NHS: variants seen among roughly 807,000 people sequenced by gnomAD.
NHS encodes actin remodeling regulator NHS.
NHS carries 5 observed loss-of-function variants against 72.5 expected under a neutral mutation model. The ratio of observed to expected loss-of-function variants is 0.07; its 90% CI spans 0.04 to 0.14. The LOEUF is 0.14. Ranked by LOEUF, NHS falls within the 10% of genes least tolerant of loss-of-function variation. The pLI is 1.00. For missense variants in NHS, 1,072 were observed against 1,355.7 expected (o/e 0.79, Z 3.29); for synonymous variants, 464 against 547.7 (o/e 0.85, Z 2.13).
intron 3 of NHS, among the ~76,000 whole-genome samples, chrX:17,716,956 C>G (rs1438842812): frequency 9.4e-6 from 1 of 106,461 alleles, no homozygotes; most frequent in Non-Finnish European, 1.9e-5. Context: ...GAGCATTCCC[C>G]TTACTCTTTT....
At chrX:17,656,431 C>A (rs1313556741) in intron 1 of NHS, among the ~76,000 whole-genome samples, 2 of 112,135 alleles carry the variant, frequency 1.8e-5, no homozygotes, top group Non-Finnish European at 3.8e-5. Context: ...AAACTAATTT[C>A]TCGCACCTCT....
At chrX:17,662,706 T>C (rs1173105300) in intron 1 of NHS, among the ~76,000 whole-genome samples, 1 of 111,764 alleles carries the variant, frequency 8.9e-6, no homozygotes, top group Non-Finnish European at 1.9e-5. Flanking sequence ...TCTGCTATTA[T>C]TCTAGCAGAA....
At chrX:17,464,766 G>A (rs1303071650) in intron 1 of NHS, among the ~76,000 whole-genome samples, 2 of 112,087 alleles carry the variant, frequency 1.8e-5, no homozygotes, top group African/African-American at 6.5e-5. Context: ...TCCCACCATT[G>A]TACTCCTTTA....
At chrX:17,594,716 C>T (rs181086240) in intron 1 of NHS, among the ~76,000 whole-genome samples, 3 of 112,818 alleles carry the variant, frequency 2.7e-5, no homozygotes, top group East Asian at 5.6e-4. Flanking sequence ...TTCTTGTGCA[C>T]GCCCTTCATT....
chrX:17,725,465 T>G lies in NHS; in HGVS notation c.1359T>G (p.Asp453Glu). 8.3e-7 allele frequency: 1 copy of G among 1,211,621 alleles called. No individual in the cohort carries two copies. Among genetic ancestry groups the G allele is most frequent in the Non-Finnish European group, 1.1e-6 (1 of 895,510 alleles). The change falls in exon 7 of 9, where the codon GAT (aspartate) becomes GAG (glutamate). Residue 453 changes from aspartate to glutamate, a missense_variant. Transcript: ENST00000676302. ...GTRDSECQTE[D>E]ILIAAPSRRR... The stretch of plus-strand genomic sequence containing the variant: ...GGGACTCTGAGTGCCAAACCGAGGA[T>G]ATTCTGATTGCTGCCCCATCCAGAA...
At chrX:17,449,474 T>C (rs939281153) in intron 1 of NHS, among the ~76,000 whole-genome samples, 1 of 112,550 alleles carries the variant, frequency 8.9e-6, no homozygotes, top group African/African-American at 3.2e-5. Context: ...AGTGATTATC[T>C]TGGGAGAGGC....
chrX:17,676,831 A>C (rs1298419971), intron 1 of NHS, among the ~76,000 whole-genome samples: 1 of 112,760 alleles, frequency 8.9e-6, no homozygotes, highest in African/African-American at 3.2e-5. Context: ...CTAAGAGCAC[A>C]GTGGCCCTTC....
At chrX:17,586,625 T>C (rs781035668) in intron 1 of NHS, 3 of 112,219 alleles carry the variant, frequency 2.7e-5, no homozygotes, top group Non-Finnish European at 5.6e-5. Context: ...TCTGAGAATG[T>C]TGCTAATGTT....
intron 1 of NHS, among the ~76,000 whole-genome samples, chrX:17,576,762 C>A (rs1017922080): frequency 2.7e-5 from 3 of 111,515 alleles, no homozygotes; most frequent in African/African-American, 9.8e-5. Flanking sequence ...TTTTCCCTTT[C>A]ATGAGAAGCA....
In NHS at chrX:17,669,161, G is replaced by T. The variant is rs191243037; in HGVS notation, c.566-18581G>T. On this transcript the variant is annotated intron_variant, in intron 1 of 8. Transcript: ENST00000676302. ...ATTTACGCCACCTGACAGTACATCT[G>T]TATGCTTATTTGTCATCTATCTCTC... Among the ~76,000 whole-genome samples, 5 of 112,422 alleles carry T rather than the reference G, an allele frequency of 4.4e-5. No individual in the cohort carries two copies. The East Asian group carries it at 1.4e-3, about 31-fold the overall frequency.
intron 1 of NHS, among the ~76,000 whole-genome samples, chrX:17,440,578 CT>C (rs1224927621): frequency 8.9e-6 from 1 of 111,791 alleles, no homozygotes; most frequent in Non-Finnish European, 1.9e-5. Flanking sequence ...TGCCACCTTG[CT>C]TGCTCTTCTT....
chrX:17,377,715 A>G (rs769293075), intron 1 of NHS, among the ~76,000 whole-genome samples: 1 of 113,512 alleles, frequency 8.8e-6, no homozygotes, highest in South Asian at 3.5e-4. Flanking sequence ...GCTTTTCTGC[A>G]ATAACAATAG....
chrX:17,427,546 TG>T (rs1253650647), intron 1 of NHS, among the ~76,000 whole-genome samples: 1 of 112,830 alleles, frequency 8.9e-6, no homozygotes, highest in East Asian at 2.8e-4. Context: ...GTGTGTTCAA[TG>T]GCTGAAGCCA....
intron 1 of NHS, among the ~76,000 whole-genome samples, chrX:17,478,307 C>A (rs990366633): frequency 9.0e-6 from 1 of 111,600 alleles, no homozygotes; most frequent in African/African-American, 3.3e-5. Context: ...AAGTAGTGAC[C>A]AAGGGATTTT....
intron 3 of NHS, among the ~76,000 whole-genome samples, chrX:17,710,393 T>C (rs2066323075): frequency 8.9e-6 from 1 of 112,556 alleles, no homozygotes; most frequent in Admixed American, 9.4e-5. Context: ...TTCTGTTGCA[T>C]GCCTGAGACT....
At chrX:17,503,001 G>A (rs2065042596) in intron 1 of NHS, among the ~76,000 whole-genome samples, 1 of 111,501 alleles carries the variant, frequency 9.0e-6, no homozygotes, top group Non-Finnish European at 1.9e-5. Flanking sequence ...TGAGTCTACA[G>A]TTCCCACCTC....
rs2066498544 is a variant in NHS, at chrX:17,732,912, T to C, written c.*448T>C. The C allele has an allele frequency of 6.5e-6, 1 of 153,952 alleles. No homozygotes were observed. The highest frequency in any genetic ancestry group is 1.6e-4 in the South Asian group (1 of 6,206). The allele number at this position is 153,952 out of a possible 1,213,427, so 12.7% of individuals were successfully genotyped here. On this transcript the variant is annotated 3_prime_UTR_variant, in exon 9 of 9. Coordinates refer to ENST00000676302, the MANE Select transcript of NHS (RefSeq NM_001291867.2). ...AATTTAGAAGAAAGAACTACACATA[T>C]GTAAATACCATATTTTTGATAAAAA...
rs139213351 is a variant in NHS at position 17,471,908 on chromosome X, C to T, written c.565+95586C>T. 3.2e-4 allele frequency among the ~76,000 whole-genome samples: 36 copies of T among 111,043 alleles called. No homozygotes were observed. In the East Asian group the frequency reaches 9.1e-3, roughly 28 times the overall value. ...GGGATGGGGATATGTGCTTGCAGGG[C>T]CAGGGAGGGAATTGATGGGAGCTCC... On this transcript the variant is annotated intron_variant, in intron 1 of 8. Coordinates refer to ENST00000676302, the MANE Select transcript of NHS (RefSeq NM_001291867.2).
At chrX:17,600,383 G>A (rs779621690) in intron 1 of NHS, among the ~76,000 whole-genome samples, 3 of 111,679 alleles carry the variant, frequency 2.7e-5, no homozygotes, top group Admixed American at 1.9e-4. Flanking sequence ...GTGGAGGACA[G>A]CAAGAAGAGA....
Sources: allele counts gnomAD v4.1 joint callset (sites outside exome capture counted in the v4.1 genomes callset), GRCh38; gene constraint gnomAD v4.1.1; transcripts MANE v1.5; gene names NCBI Gene and HGNC (gene_info 2026-07-23, HGNC 2026-07-21).